Variants in FYB1 observed in about 807,000 individuals in gnomAD.
FYB1 encodes FYN binding protein 1.
Under a neutral mutation model 94.1 loss-of-function variants are expected in FYB1, and 41 were observed. That is an observed-to-expected ratio of 0.44 (90% CI 0.34 to 0.57). FYB1 has a LOEUF of 0.57. Ranked by LOEUF, FYB1 falls within the 20% of genes least tolerant of loss-of-function variation. The pLI is 0.02. For missense variants in FYB1, 1,050 were observed against 976.8 expected, an observed-to-expected ratio of 1.07 and a Z score of -1.00; for synonymous variants, 367 against 353.2, an observed-to-expected ratio of 1.04 and a Z score of -0.44.
chr5:39,268,991 C>G (rs1752554776), intron 1 of FYB1, among the ~76,000 whole-genome samples: 1 of 152,164 alleles, frequency 6.6e-6, no homozygotes, highest in Non-Finnish European at 1.5e-5. Context: ...CTAAGAAAAT[C>G]CAAATAGCAC....
At chr5:39,253,177 TAAATAAGATACTTCCATA>T (rs892106000) in intron 1 of FYB1, among the ~76,000 whole-genome samples, 5 of 152,310 alleles carry the variant, frequency 3.3e-5, no homozygotes, top group African/African-American at 1.2e-4. Context: ...GCAGTGGTAA[TAAATAAGATACTTCCATA>T]AAATTAGGAA....
intron 16 of FYB1, among the ~76,000 whole-genome samples, chr5:39,112,370 T>G (rs1455770940): frequency 2.6e-5 from 4 of 152,018 alleles, no homozygotes; most frequent in Non-Finnish European, 5.9e-5. Flanking sequence ...TTAAAAATAA[T>G]GATGTATATG....
At position 39,246,729 on chromosome 5, in the gene FYB1, T is replaced by C. The variant is rs534233087; in HGVS notation, c.-28+27674A>G. ...GTATACCTAGATAAGGGAATCTTAT[T>C]TGGCTATTAAAAAGATGTGATAGAT... On this transcript the variant is annotated intron_variant, in intron 1 of 1. Coordinates refer to the FYB1 transcript ENST00000510188. 2.6e-5 allele frequency among the ~76,000 whole-genome samples: 4 copies of C among 152,110 alleles called. No individual in the cohort carries two copies. The South Asian group carries it at 8.3e-4, about 32-fold the overall frequency.
At chr5:39,138,766 T>C (rs1355262491) in intron 5 of FYB1, 75 bp from the exon 6 acceptor site, 1 of 857,536 alleles carries the variant, frequency 1.2e-6, no homozygotes, top group Non-Finnish European at 1.9e-6. Flanking sequence ...TTGCTTAGAC[T>C]TAAAATGAAG....
intron 2 of FYB1, among the ~76,000 whole-genome samples, chr5:39,156,133 G>A (rs903291530): frequency 6.6e-5 from 10 of 152,188 alleles, no homozygotes; most frequent in Non-Finnish European, 2.9e-5. Flanking sequence ...AGGCCGACAA[G>A]TGAGAAGTTA....
intron 1 of FYB1, among the ~76,000 whole-genome samples, chr5:39,231,806 A>G (rs1750756686): frequency 6.6e-6 from 1 of 151,932 alleles, no homozygotes; most frequent in South Asian, 2.1e-4. Flanking sequence ...CCACAGAATC[A>G]GCAATTCTCA....
intron 1 of FYB1, among the ~76,000 whole-genome samples, chr5:39,211,653 C>T (rs1381364669): frequency 2.6e-5 from 4 of 152,160 alleles, no homozygotes; most frequent in African/African-American, 9.7e-5. Context: ...CCAACAAAAA[C>T]TTTATTTTGC....
chr5:39,182,127 C>T lies in FYB1; in HGVS notation c.1135+19699G>A, dbSNP rs115968944. Among the ~76,000 whole-genome samples the T allele has an allele frequency of 6.8e-3, 1,039 of 152,184 alleles. 16 individuals carry two copies. The highest frequency in any genetic ancestry group is 0.024 in the African/African-American group (977 of 41,528). On this transcript the variant is annotated intron_variant, in intron 2 of 18. Transcript: ENST00000512982. ...AGTCCTTAACATGACATATAAGGTT[C>T]GGTTCCTGCCTAACTAACTCCCCAG...
chr5:39,260,762 A>T (rs1453829432), intron 1 of FYB1, among the ~76,000 whole-genome samples: 1 of 152,132 alleles, frequency 6.6e-6, no homozygotes, highest in Non-Finnish European at 1.5e-5. Context: ...TACTGTATAC[A>T]TCGTAGTGTA....
rs1432562182 is a variant in FYB1 at position 39,153,382 on chromosome 5, C to T, written c.1292+66G>A. On this transcript the variant is annotated intron_variant, in intron 3 of 18. Coordinates refer to ENST00000512982, the MANE Select transcript of FYB1 (RefSeq NM_001465.6). ...TCCCATGGAACTCTCAGCATTTGAC[C>T]AAGCACAGTTTGAAAATCTACGGCA... The T allele has an allele frequency of 3.2e-6, 5 of 1,575,392 alleles. No homozygotes were observed. The African/African-American group carries it at 4.1e-5, about 13-fold the overall frequency.
intron 1 of FYB1, among the ~76,000 whole-genome samples, chr5:39,236,911 A>G (rs114831154): frequency 1.7e-3 from 257 of 152,270 alleles, no homozygotes; most frequent in African/African-American, 6.0e-3. Flanking sequence ...AACACGTAGC[A>G]GGTACTTAAG....
chr5:39,151,819 C>T (rs1317072006), intron 3 of FYB1, among the ~76,000 whole-genome samples: 1 of 152,198 alleles, frequency 6.6e-6, no homozygotes, highest in Non-Finnish European at 1.5e-5. Flanking sequence ...GGGAAATACT[C>T]ATGTATGTGT....
In FYB1 at chr5:39,258,923, T is replaced by C. The variant is rs75760485; in HGVS notation, c.-28+15480A>G. Among the ~76,000 whole-genome samples, 573 of 152,168 alleles carry C rather than the reference T, an allele frequency of 3.8e-3. 7 individuals are homozygous for C. The highest frequency in any genetic ancestry group is 0.013 in the African/African-American group (551 of 41,514). On this transcript the variant is annotated intron_variant, in intron 1 of 1. Transcript: ENST00000510188. ...TATGGAAGGGTTTGTTAATCTAGCT[T>C]TTATAGTGTAGGGTCACTCTGTGAA... is the stretch of plus-strand genomic sequence containing the variant.
chr5:39,218,549 T>G (rs1407467764), intron 1 of FYB1, among the ~76,000 whole-genome samples: 1 of 152,188 alleles, frequency 6.6e-6, no homozygotes, highest in Non-Finnish European at 1.5e-5. Flanking sequence ...TGGTGAATAT[T>G]AATTATTATT....
intron 3 of FYB1, among the ~76,000 whole-genome samples, chr5:39,150,215 A>G (rs1341583050): frequency 1.1e-4 from 16 of 152,156 alleles, no homozygotes; most frequent in Admixed American, 1.0e-3. Flanking sequence ...ATCAGGAGAG[A>G]GAGAGAATGG....
intron 1 of FYB1, among the ~76,000 whole-genome samples, chr5:39,235,624 A>G (rs888067458): frequency 6.6e-6 from 1 of 151,068 alleles, no homozygotes; most frequent in African/African-American, 2.4e-5. Flanking sequence ...GATATATAGG[A>G]GCTGCCATTT....
intron 1 of FYB1, among the ~76,000 whole-genome samples, chr5:39,217,845 C>T (rs1372048355): frequency 2.6e-5 from 4 of 152,204 alleles, no homozygotes; most frequent in African/African-American, 7.2e-5. Flanking sequence ...ATTTCTACAT[C>T]CCTGATCTCT....
chr5:39,232,439 C>A (rs1750782803), intron 1 of FYB1, among the ~76,000 whole-genome samples: 1 of 152,082 alleles, frequency 6.6e-6, no homozygotes, highest in Admixed American at 6.6e-5. Flanking sequence ...TTCAGGCTGA[C>A]AACGGACCCA....
chr5:39,145,975 C>T (rs975831691), intron 3 of FYB1, among the ~76,000 whole-genome samples: 1 of 151,162 alleles, frequency 6.6e-6, no homozygotes, highest in Non-Finnish European at 1.5e-5. Context: ...TGCAGTGGTG[C>T]AAACGTGGCT....
Sources: gnomAD v4.1 joint callset for allele counts (sites outside exome capture counted in the v4.1 genomes callset) on GRCh38, gnomAD v4.1.1 for gene constraint, MANE v1.5 for transcripts, NCBI Gene and HGNC (gene_info 2026-07-23, HGNC 2026-07-21) for gene names.